The following DGKI variants were observed in gnomAD, a reference collection of about 807,000 sequenced individuals.
The protein encoded by DGKI is diacylglycerol kinase iota.
A neutral mutation model predicts 147.5 loss-of-function variants in DGKI; 55 were observed. The ratio of observed to expected loss-of-function variants is 0.37; its 90% CI spans 0.30 to 0.47. The LOEUF (loss-of-function observed/expected upper bound fraction) is 0.47, where lower values mean the gene tolerates loss of function less well. Ranked by LOEUF, DGKI falls within the 20% of genes least tolerant of loss-of-function variation. The pLI is 1.00. For synonymous variants in DGKI, 469 were observed against 477.1 expected (o/e 0.98, Z 0.22); for missense variants, 1,007 against 1,323.8 (o/e 0.76, Z 3.71).
At chr7:137,463,232 A>C (rs1304653109) in intron 27 of DGKI, among the ~76,000 whole-genome samples, 3 of 152,248 alleles carry the variant, frequency 2.0e-5, no homozygotes, top group African/African-American at 4.8e-5. Context: ...GGTGAGGTTT[A>C]AAGTATGTGG....
chr7:137,471,550 C>T (rs1299687149), intron 23 of DGKI, among the ~76,000 whole-genome samples: 1 of 152,114 alleles, frequency 6.6e-6, no homozygotes, highest in Non-Finnish European at 1.5e-5. Context: ...ACACAAATTT[C>T]CAGGGCCCAT....
intron 2 of DGKI, among the ~76,000 whole-genome samples, chr7:137,683,119 T>C (rs1161702909): frequency 2.0e-5 from 3 of 152,240 alleles, no homozygotes; most frequent in African/African-American, 7.2e-5. Context: ...ACAGTGCATC[T>C]AATTTCGGAG....
In DGKI at chr7:137,676,196, G is replaced by A. The variant is rs79632326; in HGVS notation, c.606+2361C>T. Among the ~76,000 whole-genome samples, 1,490 of 152,290 alleles carry A rather than the reference G, an allele frequency of 9.8e-3. 29 individuals carry two copies. The highest frequency in any genetic ancestry group is 0.035 in the African/African-American group (1,434 of 41,564). On this transcript the variant is annotated intron_variant, in intron 3 of 32. Coordinates refer to ENST00000614521, the MANE Select transcript of DGKI (RefSeq NM_001321708.2). ...ACTTACACTCCTGGCAGCTGATGAT[G>A]AGCCTGCCCATTTCAGCCTAAACCA...
chr7:137,762,907 G>T (rs1050666904), intron 1 of DGKI, among the ~76,000 whole-genome samples: 3 of 152,196 alleles, frequency 2.0e-5, no homozygotes, highest in African/African-American at 7.2e-5. Context: ...GACAAAGAAT[G>T]ATTCCAGTAG....
intron 29 of DGKI, among the ~76,000 whole-genome samples, chr7:137,409,245 C>G (rs986967787): frequency 1.3e-5 from 2 of 152,128 alleles, no homozygotes; most frequent in Non-Finnish European, 2.9e-5. Context: ...ATTAAAAATA[C>G]TTTCTTAAAA....
chr7:137,409,417 G>T (rs1202338184), intron 29 of DGKI, among the ~76,000 whole-genome samples: 1 of 152,128 alleles, frequency 6.6e-6, no homozygotes, highest in Non-Finnish European at 1.5e-5. Flanking sequence ...CACAGTAATG[G>T]ACAGGAACAT....
chr7:137,685,181 C>T (rs370698102), intron 2 of DGKI, among the ~76,000 whole-genome samples: 2 of 152,122 alleles, frequency 1.3e-5, no homozygotes, highest in African/African-American at 2.4e-5. Flanking sequence ...AAAGGTGGTT[C>T]GGACTGAAGA....
chr7:137,596,228 A>AG (rs1819794923), intron 12 of DGKI, among the ~76,000 whole-genome samples: 1 of 152,040 alleles, frequency 6.6e-6, no homozygotes, highest in Non-Finnish European at 1.5e-5. Context: ...TCCTCAACTT[A>AG]TCTGTTTTTG....
chr7:137,634,013 A>G (rs1271483345), intron 6 of DGKI, among the ~76,000 whole-genome samples: 31 of 152,244 alleles, frequency 2.0e-4, no homozygotes, highest in Admixed American at 1.8e-3. Flanking sequence ...CATAAGCCCT[A>G]TGAAGAGTCA....
At chr7:137,678,522 A>C in intron 3 of DGKI, 35 bp downstream of exon 3, 1 of 1,600,666 alleles carries the variant, frequency 6.2e-7, no homozygotes, top group East Asian at 2.2e-5. Context: ...TCAGATCCAC[A>C]GGCCTTCCCC....
At chr7:137,826,753 G>T (rs529504365) in intron 1 of DGKI, among the ~76,000 whole-genome samples, 51 of 152,288 alleles carry the variant, frequency 3.3e-4, no homozygotes, top group Admixed American at 7.2e-4. Context: ...TATCCAAACA[G>T]TTTAGAGGGA....
intron 1 of DGKI, among the ~76,000 whole-genome samples, chr7:137,749,541 T>C (rs1173135678): frequency 2.0e-5 from 3 of 152,216 alleles, no homozygotes; most frequent in African/African-American, 7.2e-5. Context: ...TAAGAAACCC[T>C]GGTTGCTTTT....
chr7:137,579,384 T>C (rs546004843), intron 15 of DGKI, among the ~76,000 whole-genome samples: 103 of 150,236 alleles, frequency 6.9e-4, no homozygotes, highest in South Asian at 1.3e-3. Context: ...AGCTTAAGAT[T>C]TCTTGACTAA....
chr7:137,429,387 T>C (rs1327113299), intron 28 of DGKI, among the ~76,000 whole-genome samples: 3 of 152,112 alleles, frequency 2.0e-5, no homozygotes, highest in Admixed American at 6.5e-5. Flanking sequence ...CCTTACACCT[T>C]ATACAAAAAT....
At chr7:137,411,954 G>T (rs998794437) in intron 29 of DGKI, among the ~76,000 whole-genome samples, 1 of 152,074 alleles carries the variant, frequency 6.6e-6, no homozygotes, top group Non-Finnish European at 1.5e-5. Flanking sequence ...TGCATCCTGG[G>T]GACATGCAGT....
chr7:137,469,241 C>G (rs1814785254), intron 24 of DGKI, among the ~76,000 whole-genome samples: 1 of 152,124 alleles, frequency 6.6e-6, no homozygotes, highest in East Asian at 1.9e-4. Flanking sequence ...AGCTACTGGT[C>G]TGAATTAATT....
intron 20 of DGKI, among the ~76,000 whole-genome samples, chr7:137,533,449 A>C (rs2128957648): frequency 6.6e-6 from 1 of 152,282 alleles, no homozygotes; most frequent in South Asian, 2.1e-4. Flanking sequence ...ATGTGAAAAT[A>C]ATTTGGAGTG....
intron 30 of DGKI, among the ~76,000 whole-genome samples, chr7:137,401,238 A>G (rs1023685606): frequency 1.3e-5 from 2 of 152,126 alleles, no homozygotes; most frequent in African/African-American, 4.8e-5. Flanking sequence ...AAGAGAGAAA[A>G]AAATAAAGAC....
rs1201976691 is a variant in DGKI, at chr7:137,403,607, T to A, written c.2920+4268A>T. ...GTCAACTCAAGAGCCACAAACAACATCAGCTGTGCACCTGGCAAAGAGCCT... is the reference window on the plus strand; with the variant it reads ...GTCAACTCAAGAGCCACAAACAACAACAGCTGTGCACCTGGCAAAGAGCCT... On this transcript the variant is annotated intron_variant, in intron 30 of 32. Coordinates refer to ENST00000614521, the MANE Select transcript of DGKI (RefSeq NM_001321708.2). Among the ~76,000 whole-genome samples, 6 of 152,106 alleles carry A rather than the reference T, an allele frequency of 3.9e-5. No individual in the cohort carries two copies. In the East Asian group the frequency reaches 1.2e-3, roughly 29 times the overall value.
Sources: allele counts gnomAD v4.1 joint callset (sites outside exome capture counted in the v4.1 genomes callset), GRCh38; gene constraint gnomAD v4.1.1; transcripts MANE v1.5; gene names NCBI Gene and HGNC (gene_info 2026-07-23, HGNC 2026-07-21).